Variants in BUB1 observed in about 807,000 individuals in gnomAD.
BUB1 encodes the protein mitotic checkpoint serine/threonine-protein kinase BUB1.
BUB1 carries 84 observed loss-of-function variants against 135.2 expected under a neutral mutation model. The observed-to-expected ratio is 0.62, with a 90% CI of 0.52 to 0.74. The LOEUF (loss-of-function observed/expected upper bound fraction) is 0.74, where lower values mean the gene tolerates loss of function less well. Among genes scored for constraint, BUB1 ranks in the 30% least tolerant of loss-of-function variants. The pLI, the probability that BUB1 is intolerant of heterozygous loss-of-function variation, is 0.00. For missense variants in BUB1, 1,162 were observed against 1,288.3 expected, an observed-to-expected ratio of 0.90 and a Z score of 1.50; for synonymous variants, 403 against 434.4, an observed-to-expected ratio of 0.93 and a Z score of 0.90.
chr2:110,657,381 A>G (rs1231765555), intron 14 of BUB1, among the ~76,000 whole-genome samples, 165 bp downstream of exon 14: 2 of 152,178 alleles, frequency 1.3e-5, no homozygotes, highest in Non-Finnish European at 2.9e-5. Flanking sequence ...GAATTCCTGC[A>G]GTACTGTAAA....
chr2:110,646,712 CA>C (rs754918890), intron 19 of BUB1, among the ~76,000 whole-genome samples: 7 of 151,904 alleles, frequency 4.6e-5, no homozygotes, highest in Non-Finnish European at 7.4e-5. Context: ...TATTTTGAAC[CA>C]AATGAAAATG....
At chr2:110,641,494 T>C in intron 21 of BUB1, 30 bp from the exon 22 acceptor site, 1 of 1,586,228 alleles carries the variant, frequency 6.3e-7, no homozygotes, top group South Asian at 1.2e-5. Context: ...GAATCCTGAG[T>C]TAGTTGCACA....
intron 9 of BUB1, among the ~76,000 whole-genome samples, chr2:110,663,886 A>C (rs975604727): frequency 2.0e-5 from 3 of 151,834 alleles, no homozygotes; most frequent in Non-Finnish European, 2.9e-5. Context: ...AAAATTAGCC[A>C]GGCATGGTGG....
rs773696155 is a variant in BUB1 at position 110,674,340 on chromosome 2, A to G, written c.52T>C (p.Tyr18His). The G allele has an allele frequency of 9.9e-6, 16 of 1,613,970 alleles. No homozygotes were observed. The highest frequency in any genetic ancestry group is 5.3e-5 in the African/African-American group (4 of 74,924). The change falls in exon 2 of 25, where the codon TAC becomes CAC. Residue 18 changes from tyrosine to histidine, a missense_variant. Tyr to His is a moderately conservative substitution (Grantham distance 83, BLOSUM62 2). Transcript: ENST00000302759. ...TCACCAAGAGGGTCATTGCCCTTGT[A>G]GCTCTGCATGTGGGCTTCAAGCATC... ...LQMLEAHMQSYKGNDPLGEWE... is the reference protein window; with the variant it reads ...LQMLEAHMQSHKGNDPLGEWE...
At chr2:110,654,691 A>G (rs1689876784) in intron 16 of BUB1, among the ~76,000 whole-genome samples, 1 of 151,508 alleles carries the variant, frequency 6.6e-6, no homozygotes, top group African/African-American at 2.4e-5. Context: ...GCAATTGTCA[A>G]AGTTTCAACT....
chr2:110,639,852 T>G lies in BUB1; in HGVS notation c.2956-4A>C, dbSNP rs1689456928. 1 of 1,607,976 alleles carries G rather than the reference T, an allele frequency of 6.2e-7. No individual in the cohort carries two copies. The highest frequency in any genetic ancestry group is 8.5e-7 in the Non-Finnish European group (1 of 1,174,412). On this transcript the variant is annotated splice_polypyrimidine_tract_variant and splice_region_variant and intron_variant, in intron 23 of 24. Transcript: ENST00000302759. ...CAGCAACCCCAAAGTAATCGATCTA[T>G]GAAGAAGATAGAGGTATATATGACT...
rs375788995 is a variant in BUB1, at chr2:110,649,391, G to GAA, written c.2204-16_2204-15dup. On this transcript the variant is annotated splice_polypyrimidine_tract_variant and intron_variant, in intron 18 of 24. Transcript: ENST00000302759. The stretch of plus-strand genomic sequence containing the variant: ...CAACAATGAAGTCTTAAAGGAATGA[G>GAA]AAAAAAAAAAAAAAAGGGAACATGA... 1.7e-3 allele frequency: 1,843 copies of GAA among 1,116,176 alleles called. No homozygotes were observed. The highest frequency in any genetic ancestry group is 4.2e-3 in the South Asian group (177 of 41,922). 69.1% of individuals were successfully genotyped at this position (1,116,176 alleles called of 1,614,324 possible). A position where few individuals can be genotyped will look rare whatever the true frequency, so the allele number is the denominator to read the frequency against.
At chr2:110,653,332 A>G in intron 17 of BUB1, 104 bp downstream of exon 17, 1 of 1,132,560 alleles carries the variant, frequency 8.8e-7, no homozygotes. Context: ...GGCTAAAATT[A>G]GGTATTCTAT....
intron 5 of BUB1, 110 bp downstream of exon 5, chr2:110,670,415 G>C: frequency 7.9e-7 from 1 of 1,267,728 alleles, no homozygotes; most frequent in Middle Eastern, 1.9e-4. Flanking sequence ...TGGGATTACA[G>C]GTGTGAGCCA....
chr2:110,664,072 T>C (rs1490078473), intron 9 of BUB1, among the ~76,000 whole-genome samples: 1 of 148,224 alleles, frequency 6.7e-6, no homozygotes, highest in Non-Finnish European at 1.5e-5. Flanking sequence ...CCATAAAAAT[T>C]AAGGCAATCT....
chr2:110,655,608 T>A, intron 16 of BUB1, 131 bp downstream of exon 16: 1 of 905,964 alleles, frequency 1.1e-6, no homozygotes, highest in East Asian at 2.6e-5. Context: ...GATTTTAAGT[T>A]TCTTCTTTAT....
chr2:110,647,274 G>C (rs1435687782), intron 19 of BUB1, among the ~76,000 whole-genome samples: 2 of 152,068 alleles, frequency 1.3e-5, no homozygotes, highest in Non-Finnish European at 2.9e-5. Flanking sequence ...TACCTCTCAT[G>C]AACACGGATA....
intron 8 of BUB1, among the ~76,000 whole-genome samples, chr2:110,667,054 C>A (rs990723215): frequency 1.3e-5 from 2 of 152,188 alleles, no homozygotes; most frequent in African/African-American, 4.8e-5. Context: ...CCCAGAATGG[C>A]TATAGCCCAA....
intron 18 of BUB1, among the ~76,000 whole-genome samples, chr2:110,649,952 C>T (rs1351594283): frequency 6.6e-6 from 1 of 152,170 alleles, no homozygotes. Context: ...AACACTCACT[C>T]AGCGCTAAGC....
At position 110,658,391 on chromosome 2, in the gene BUB1, G is replaced by A; in HGVS notation, c.1516+19C>T. The A allele has an allele frequency of 6.3e-7, 1 of 1,578,126 alleles. No homozygotes were observed. The highest frequency in any genetic ancestry group is 2.2e-5 in the East Asian group (1 of 44,676). On this transcript the variant is annotated intron_variant, in intron 13 of 24. Coordinates refer to ENST00000302759, the MANE Select transcript of BUB1 (RefSeq NM_004336.5). ...CACCTATAATGCTATGCACTTAGTA[G>A]CTTTTAAATAGTTATTACTTTGAAA...
At chr2:110,667,025 A>C (rs1376861206) in intron 8 of BUB1, among the ~76,000 whole-genome samples, 1 of 152,256 alleles carries the variant, frequency 6.6e-6, no homozygotes, top group Non-Finnish European at 1.5e-5. Flanking sequence ...TATGAAAAGT[A>C]ATGAACAGAA....
rs770369434 is a variant in BUB1 at position 110,655,827 on chromosome 2, G to A, written c.1788C>T (p.Ser596=). 1.2e-6 allele frequency: 2 copies of A among 1,613,970 alleles called. No homozygotes were observed. The highest frequency in any genetic ancestry group is 1.7e-6 in the Non-Finnish European group (2 of 1,179,908). Residue 596 remains serine (S), a synonymous_variant, in exon 16 of 25, where the codon AGC becomes AGT. Coordinates refer to ENST00000302759, the MANE Select transcript of BUB1 (RefSeq NM_004336.5). ...CNKTLAPSPK[S]PGDFTSAAQL... ...GTGCAGCAGATGTGAAGTCTCCTGG[G>A]CTCTTAGGACTGGGTGCCAGGGTTT...
chr2:110,666,624 TAAAA>T (rs398060452), intron 8 of BUB1, among the ~76,000 whole-genome samples: 7 of 120,800 alleles, frequency 5.8e-5, no homozygotes, highest in Non-Finnish European at 8.9e-5. Context: ...TGTAAATTAC[TAAAA>T]AAAAAAAAAA....
chr2:110,651,674 C>T (rs997177034), intron 17 of BUB1, among the ~76,000 whole-genome samples: 1 of 152,186 alleles, frequency 6.6e-6, no homozygotes, highest in Non-Finnish European at 1.5e-5. Context: ...CTCACTCACT[C>T]ACTGACCCAC....
Sources: gnomAD v4.1 joint callset for allele counts (sites outside exome capture counted in the v4.1 genomes callset) on GRCh38, gnomAD v4.1.1 for gene constraint, MANE v1.5 for transcripts, NCBI Gene and HGNC (gene_info 2026-07-23, HGNC 2026-07-21) for gene names.